DCDC2: variants seen among roughly 807,000 people sequenced by gnomAD.
DCDC2 encodes the protein doublecortin domain containing 2, also known as doublecortin domain-containing protein 2.
A neutral mutation model predicts 50.2 loss-of-function variants in DCDC2; 40 were observed. The ratio of observed to expected loss-of-function variants is 0.80; its 90% CI spans 0.62 to 1.04. DCDC2 has a LOEUF of 1.04. Ranked by LOEUF, DCDC2 falls within the 50% of genes least tolerant of loss-of-function variation. The pLI is 0.00. For missense variants in DCDC2, 570 were observed against 581.9 expected (o/e 0.98, Z 0.21); for synonymous variants, 234 against 210.6 (o/e 1.11, Z -0.96).
intron 7 of DCDC2, among the ~76,000 whole-genome samples, chr6:24,239,122 C>G (rs1384724208): frequency 6.6e-6 from 1 of 152,178 alleles, no homozygotes; most frequent in Non-Finnish European, 1.5e-5. Flanking sequence ...ATGAATAAGG[C>G]ATAGTCCTAG....
In DCDC2 at chr6:24,343,051, C is replaced by CTT. The variant is rs11322032; in HGVS notation, c.348+10516_348+10517dup. ...CACTGCCTGGCTCTTGGTAAATATT[C>CTT]TTTTTTTTTTTTTTTTTTTGAGACA... On this transcript the variant is annotated intron_variant, in intron 2 of 9. Coordinates refer to ENST00000378454, the MANE Select transcript of DCDC2 (RefSeq NM_016356.5). Among the ~76,000 whole-genome samples, 665 of 124,072 alleles carry CTT rather than the reference C, an allele frequency of 5.4e-3. 10 individuals are homozygous for CTT. The highest frequency in any genetic ancestry group is 0.019 in the African/African-American group (577 of 31,182). The allele number at this position is 124,072 out of a possible 152,430, so 81.4% of individuals were successfully genotyped here.
At chr6:24,182,599 G>T (rs1385611321) in intron 8 of DCDC2, among the ~76,000 whole-genome samples, 2 of 92,670 alleles carry the variant, frequency 2.2e-5, no homozygotes, top group Non-Finnish European at 4.2e-5. Context: ...ACTGCAATAA[G>T]ATACTACCTA....
At chr6:24,198,613 T>A (rs1262136124) in intron 8 of DCDC2, among the ~76,000 whole-genome samples, 2 of 151,986 alleles carry the variant, frequency 1.3e-5, no homozygotes, top group Non-Finnish European at 2.9e-5. Flanking sequence ...CTACAGTTTT[T>A]TTTTTTTCAT....
intron 2 of DCDC2, among the ~76,000 whole-genome samples, chr6:24,339,747 C>G (rs1034447777): frequency 6.6e-6 from 1 of 152,150 alleles, no homozygotes; most frequent in Non-Finnish European, 1.5e-5. Context: ...GCCTGGGACA[C>G]ACAAGCTAAA....
At chr6:24,210,551 T>G (rs1450597046) in intron 7 of DCDC2, among the ~76,000 whole-genome samples, 1 of 152,202 alleles carries the variant, frequency 6.6e-6, no homozygotes, top group East Asian at 1.9e-4. Flanking sequence ...CAATCTCCTT[T>G]TAAAATGTAT....
intron 9 of DCDC2, among the ~76,000 whole-genome samples, chr6:24,175,221 C>T (rs1006558320): frequency 1.3e-5 from 2 of 152,124 alleles, no homozygotes; most frequent in East Asian, 3.8e-4. Flanking sequence ...TTTTAGTTTC[C>T]TCCTAGAATT....
chr6:24,301,612 G>C (rs1759376501), intron 4 of DCDC2, 103 bp downstream of exon 4: 2 of 1,401,034 alleles, frequency 1.4e-6, no homozygotes, highest in Admixed American at 4.1e-5. Flanking sequence ...GGGCCTAACT[G>C]GGGAGCCAAA....
chr6:24,213,084 A>T (rs1761906434), intron 7 of DCDC2, among the ~76,000 whole-genome samples: 1 of 152,212 alleles, frequency 6.6e-6, no homozygotes, highest in Non-Finnish European at 1.5e-5. Flanking sequence ...TCAAGTAAAG[A>T]TAATCAGAAT....
chr6:24,312,701 T>C (rs1436924294), intron 2 of DCDC2, among the ~76,000 whole-genome samples: 6 of 152,142 alleles, frequency 3.9e-5, no homozygotes, highest in Admixed American at 3.9e-4. Context: ...TATCATTCCT[T>C]ATTCAGATGG....
upstream of DCDC2, among the ~76,000 whole-genome samples, chr6:24,362,564 A>G (rs761932318): frequency 1.3e-5 from 2 of 151,276 alleles, no homozygotes; most frequent in African/African-American, 4.9e-5. Flanking sequence ...GTATATTTAT[A>G]AAATTACTTT....
At chr6:24,378,823 G>T in the DCDC2 span, among the ~76,000 whole-genome samples, 3 of 152,066 alleles carry the variant, frequency 2.0e-5, no homozygotes, top group African/African-American at 7.2e-5. Context: ...GCACAGTGGT[G>T]CATTCCTGTA....
intron 7 of DCDC2, among the ~76,000 whole-genome samples, chr6:24,247,714 T>C (rs543962620): frequency 1.3e-5 from 2 of 152,296 alleles, no homozygotes; most frequent in South Asian, 4.2e-4. Context: ...AATATGGGTA[T>C]AGCAACAGAG....
intron 7 of DCDC2, among the ~76,000 whole-genome samples, chr6:24,250,914 CTG>C (rs1219766711): frequency 6.6e-5 from 10 of 152,060 alleles, no homozygotes; most frequent in African/African-American, 2.4e-4. Flanking sequence ...ATTAATTGCT[CTG>C]TGTTAGAAAA....
At chr6:24,183,463 A>C (rs1761127895) in intron 8 of DCDC2, among the ~76,000 whole-genome samples, 1 of 152,210 alleles carries the variant, frequency 6.6e-6, no homozygotes, top group Non-Finnish European at 1.5e-5. Context: ...ACACTAAGGC[A>C]GAGAGGGGAC....
Position 24,345,405 on chromosome 6 carries a change from A to C in DCDC2, c.348+8164T>G, listed in dbSNP as rs143649620. Among the ~76,000 whole-genome samples the C allele has an allele frequency of 5.7e-4, 87 of 152,292 alleles. 1 individual carries two copies. Among genetic ancestry groups the C allele is most frequent in the African/African-American group, 2.0e-3 (83 of 41,566 alleles). ...ACATTCACCTGAGTAACTGACCTGAAGTACAACCCGGGTTCCCACAAACTT... is the reference window on the plus strand; with the variant it reads ...ACATTCACCTGAGTAACTGACCTGACGTACAACCCGGGTTCCCACAAACTT... On this transcript the variant is annotated intron_variant, in intron 2 of 9. Coordinates refer to ENST00000378454, the MANE Select transcript of DCDC2 (RefSeq NM_016356.5).
chr6:24,199,209 G>A (rs531083627), intron 8 of DCDC2, among the ~76,000 whole-genome samples: 1 of 152,338 alleles, frequency 6.6e-6, no homozygotes, highest in African/African-American at 2.4e-5. Flanking sequence ...TGTGCCTCCT[G>A]ACTGGGAGAA....
At chr6:24,256,206 C>A (rs1762894131) in intron 7 of DCDC2, among the ~76,000 whole-genome samples, 2 of 150,596 alleles carry the variant, frequency 1.3e-5, no homozygotes, top group South Asian at 4.2e-4. Context: ...AAGTCAGAAT[C>A]AAGGTTTTCT....
intron 7 of DCDC2, among the ~76,000 whole-genome samples, chr6:24,262,899 C>G (rs1345067811): frequency 6.6e-6 from 1 of 152,192 alleles, no homozygotes; most frequent in Non-Finnish European, 1.5e-5. Context: ...AGGCAGTGGT[C>G]ACTGTGGGCC....
At chr6:24,220,804 A>G (rs1198824517) in intron 7 of DCDC2, among the ~76,000 whole-genome samples, 1 of 87,372 alleles carries the variant, frequency 1.1e-5, no homozygotes, top group Non-Finnish European at 2.4e-5. Context: ...AAAACTTACA[A>G]TCACGGCAGA....
Sources: allele counts gnomAD v4.1 joint callset (sites outside exome capture counted in the v4.1 genomes callset), GRCh38; gene constraint gnomAD v4.1.1; transcripts MANE v1.5; gene names NCBI Gene and HGNC (gene_info 2026-07-23, HGNC 2026-07-21).